Variants in MDN1 observed in about 807,000 individuals in gnomAD.
MDN1 encodes the protein midasin.
MDN1 carries 266 observed loss-of-function variants against 669.2 expected under a neutral mutation model. The ratio of observed to expected loss-of-function variants is 0.40; its 90% CI spans 0.36 to 0.44. The LOEUF (loss-of-function observed/expected upper bound fraction) is 0.44, where lower values mean the gene tolerates loss of function less well. Ranked by LOEUF, MDN1 falls within the 20% of genes least tolerant of loss-of-function variation. The probability of loss-of-function intolerance (pLI) is 1.00; values close to 1 mark genes in which losing one functional copy is unlikely to be tolerated. For synonymous variants in MDN1, 2,385 were observed against 2,457.1 expected, an observed-to-expected ratio of 0.97 and a Z score of 0.87; for missense variants, 5,940 against 6,754.0, an observed-to-expected ratio of 0.88 and a Z score of 4.22.
At chr6:89,656,125 A>C (rs1437813692) in intron 91 of MDN1, among the ~76,000 whole-genome samples, 157 bp from the exon 92 acceptor site, 1 of 152,220 alleles carries the variant, frequency 6.6e-6, no homozygotes, top group Admixed American at 6.5e-5. Flanking sequence ...CCGGGACTCT[A>C]TATACTTACA....
At chr6:89,796,666 T>C (rs977745332) in intron 2 of MDN1, among the ~76,000 whole-genome samples, 1 of 152,182 alleles carries the variant, frequency 6.6e-6, no homozygotes, top group Non-Finnish European at 1.5e-5. Flanking sequence ...ACAGTGTGTA[T>C]ATGAGAAATC....
chr6:89,685,169 G>C (rs1336005077), intron 70 of MDN1, among the ~76,000 whole-genome samples, 184 bp from the exon 71 acceptor site: 1 of 151,956 alleles, frequency 6.6e-6, no homozygotes, highest in African/African-American at 2.4e-5. Flanking sequence ...CAGAGATGCA[G>C]GCTGTCAACA....
intron 45 of MDN1, among the ~76,000 whole-genome samples, chr6:89,715,285 T>C (rs1258525844): frequency 6.6e-6 from 1 of 152,140 alleles, no homozygotes; most frequent in Non-Finnish European, 1.5e-5. Flanking sequence ...GTGTCATCCT[T>C]GATTCTTCTT....
At chr6:89,719,505 T>C (rs1049191856) in intron 40 of MDN1, among the ~76,000 whole-genome samples, 2 of 152,220 alleles carry the variant, frequency 1.3e-5, no homozygotes, top group Middle Eastern at 3.2e-3. Context: ...CCATGGACAC[T>C]GTAGTATTGA....
intron 1 of MDN1, among the ~76,000 whole-genome samples, chr6:89,808,991 A>C: frequency 6.6e-6 from 1 of 150,990 alleles, no homozygotes; most frequent in East Asian, 2.0e-4. Flanking sequence ...CCGAGGCAGG[A>C]GGATCACCTA....
Position 89,790,284 on chromosome 6 carries a change from C to T in MDN1, c.973G>A (p.Val325Met), listed in dbSNP as rs537168884. Residue 325 changes from valine (V) to methionine (M), a missense_variant, in exon 6 of 102, where the codon GTG (valine) becomes ATG (methionine). Val to Met is a conservative substitution (Grantham distance 21, BLOSUM62 1). Transcript: ENST00000369393. ...CATCCTATTGGTCCTTCCAACAACACAGCATTCTGAGAAGCAACCGCCATA... is the reference window on the plus strand; with the variant it reads ...CATCCTATTGGTCCTTCCAACAACATAGCATTCTGAGAAGCAACCGCCATA... ...LAMAVASQNA[V>M]LLEGPIGCGK... is the part of the protein sequence containing the mutation. 262 of 1,614,140 alleles carry T rather than the reference C, an allele frequency of 1.6e-4. No individual in the cohort carries two copies. In the South Asian group the frequency reaches 2.7e-3, roughly 16 times the overall value.
intron 15 of MDN1, among the ~76,000 whole-genome samples, chr6:89,766,879 G>A (rs1817826087): frequency 1.3e-5 from 2 of 152,100 alleles, no homozygotes; most frequent in African/African-American, 4.8e-5. Flanking sequence ...GATGAGGATT[G>A]GCTGCTTTAT....
At chr6:89,686,003 T>C (rs764841498) in intron 69 of MDN1, 30 bp from the exon 70 acceptor site, 1 of 1,604,382 alleles carries the variant, frequency 6.2e-7, no homozygotes, top group South Asian at 1.1e-5. Flanking sequence ...AAAATATATA[T>C]GTTCCTTCGA....
chr6:89,793,371 C>T (rs550238173), intron 5 of MDN1, among the ~76,000 whole-genome samples: 66 of 152,264 alleles, frequency 4.3e-4, no homozygotes, highest in Admixed American at 7.2e-4. Context: ...AACAGCTCCG[C>T]GCAAGTTAAA....
chr6:89,719,431 C>G (rs899741006), intron 40 of MDN1, among the ~76,000 whole-genome samples: 10 of 152,206 alleles, frequency 6.6e-5, no homozygotes, highest in African/African-American at 2.4e-4. Context: ...AGATTGAGAA[C>G]ATAGCAGTCA....
At chr6:89,698,749 G>C in intron 59 of MDN1, 116 bp downstream of exon 59, 1 of 927,048 alleles carries the variant, frequency 1.1e-6, no homozygotes, top group African/African-American at 1.7e-5. Context: ...AAAGTAAAGT[G>C]TTGCAATCAC....
At chr6:89,688,483 G>C in intron 66 of MDN1, 90 bp downstream of exon 66, 1 of 1,179,914 alleles carries the variant, frequency 8.5e-7, no homozygotes, top group Non-Finnish European at 1.2e-6. Context: ...GTATATATGT[G>C]CAAGTGGGTG....
intron 20 of MDN1, among the ~76,000 whole-genome samples, chr6:89,755,082 T>C (rs949626217): frequency 2.6e-5 from 4 of 152,172 alleles, no homozygotes; most frequent in African/African-American, 9.7e-5. Flanking sequence ...TTAGATAAAA[T>C]AAGGCACTTA....
At chr6:89,647,804 T>C (rs1808580623) in intron 99 of MDN1, among the ~76,000 whole-genome samples, 1 of 152,094 alleles carries the variant, frequency 6.6e-6, no homozygotes, top group African/African-American at 2.4e-5. Flanking sequence ...AAAATAAAAA[T>C]TAGCCAGACA....
At chr6:89,670,622 G>A (rs921923105) in intron 83 of MDN1, among the ~76,000 whole-genome samples, 1 of 152,174 alleles carries the variant, frequency 6.6e-6, no homozygotes, top group Admixed American at 6.5e-5. Flanking sequence ...GATGGGAAGG[G>A]AAGGGTGTTA....
chr6:89,673,099 G>T, intron 80 of MDN1, 137 bp downstream of exon 80: 2 of 725,348 alleles, frequency 2.8e-6, no homozygotes, highest in Non-Finnish European at 4.5e-6. Flanking sequence ...GATTTCAACC[G>T]CACCTCCCTG....
In MDN1 at chr6:89,674,246, A is replaced by G; in HGVS notation, c.13105T>C (p.Ser4369Pro). ...PSPIPGSQLP[S>P]GCRMRKQDHL... is the part of the protein sequence containing the mutation. Reference sequence around the variant, plus strand: ...TCCTGTTTCCGCATCCGGCAACCAGAGGGCAGCTGACTTCCAGGTATTGGA... The same window carrying G: ...TCCTGTTTCCGCATCCGGCAACCAGGGGGCAGCTGACTTCCAGGTATTGGA... The change falls in exon 79 of 102, where the codon TCT (serine) becomes CCT (proline). Residue 4369 changes from serine (S) to proline (P), a missense_variant. Ser to Pro is a moderately conservative substitution (Grantham distance 74, BLOSUM62 -1). Coordinates refer to ENST00000369393, the MANE Select transcript of MDN1 (RefSeq NM_014611.3). 6.2e-7 allele frequency: 1 copy of G among 1,614,230 alleles called. No homozygotes were observed. Among genetic ancestry groups the G allele is most frequent in the Non-Finnish European group, 8.5e-7 (1 of 1,180,046 alleles).
At chr6:89,713,385 C>T (rs1326492422) in intron 46 of MDN1, 89 bp from the exon 47 acceptor site, 2 of 1,192,988 alleles carry the variant, frequency 1.7e-6, no homozygotes, top group South Asian at 2.9e-5. Flanking sequence ...ATCAAACCTC[C>T]TTCCTGTCAA....
chr6:89,804,547 GA>G lies in MDN1; in HGVS notation c.103-994del, dbSNP rs1767887462. Among the ~76,000 whole-genome samples, 13 of 152,094 alleles carry G rather than the reference GA, an allele frequency of 8.5e-5. No homozygotes were observed. The South Asian group carries it at 2.3e-3, about 27-fold the overall frequency. On this transcript the variant is annotated intron_variant, in intron 1 of 101. Coordinates refer to ENST00000369393, the MANE Select transcript of MDN1 (RefSeq NM_014611.3). ...TCCCCCAGCTCCTTTAACTCTTGAA[GA>G]AAAAAATGAATTCTGCAGTTAGTAG...
Sources: allele counts gnomAD v4.1 joint callset (sites outside exome capture counted in the v4.1 genomes callset), GRCh38; gene constraint gnomAD v4.1.1; transcripts MANE v1.5; gene names NCBI Gene and HGNC (gene_info 2026-07-23, HGNC 2026-07-21).